Variants in TRIM15 observed in about 807,000 individuals in gnomAD.
The protein encoded by TRIM15 is tripartite motif containing 15, also known as E3 ubiquitin-protein ligase TRIM15.
In TRIM15, 35 loss-of-function variants were observed where a neutral mutation model predicts 35.8. The observed-to-expected ratio is 0.98, with a 90% CI of 0.75 to 1.30. The LOEUF (loss-of-function observed/expected upper bound fraction) is 1.30, where lower values mean the gene tolerates loss of function less well. TRIM15 is among the 50% of genes most tolerant of loss of function. The pLI, the probability that TRIM15 is intolerant of heterozygous loss-of-function variation, is 0.00. For synonymous variants in TRIM15, 252 were observed against 249.8 expected (o/e 1.01, Z -0.08); for missense variants, 590 against 593.5 (o/e 0.99, Z 0.06).
chr6:30,171,445 G>A (rs944268615), intron 6 of TRIM15, among the ~76,000 whole-genome samples: 2 of 152,124 alleles, frequency 1.3e-5, no homozygotes, highest in Non-Finnish European at 2.9e-5. Flanking sequence ...TTTTAAATTG[G>A]TGCTTAATTT....
chr6:30,168,316 A>G lies in TRIM15; in HGVS notation c.494A>G (p.Lys165Arg). 1 of 1,612,836 alleles carries G rather than the reference A, an allele frequency of 6.2e-7. No homozygotes were observed. ...CCCTTGAAGACTCAGATCGAAAGCA[A>G]GAAGCATCAGGTGGAAACAGCTTTT... is the stretch of plus-strand genomic sequence containing the variant. ...LQVLLTQIES[K>R]KHQVETAFER... Residue 165 changes from lysine (K) to arginine (R), a missense_variant, in exon 3 of 7, where the codon AAG becomes AGG. Transcript: ENST00000376694.
rs780356510 is a variant in TRIM15 at position 30,168,369 on chromosome 6, C to A, written c.547C>A (p.Gln183Lys). ...FERLQQELEQ[Q>K]RCLLLARLRE... ...GAGGCTGCAGCAGGAGCTGGAGCAG[C>A]AGCGATGTCTCCTGCTGGCCAGGCT... Residue 183 changes from glutamine (Q) to lysine (K), a missense_variant, in exon 3 of 7, where the codon CAG becomes AAG. By Grantham distance (53) the Gln-to-Lys change is moderately conservative (BLOSUM62 1). Coordinates refer to ENST00000376694, the MANE Select transcript of TRIM15 (RefSeq NM_033229.3). 2.9e-5 allele frequency: 47 copies of A among 1,612,910 alleles called. No homozygotes were observed. The highest frequency in any genetic ancestry group is 3.5e-5 in the Non-Finnish European group (41 of 1,180,040).
In TRIM15 at chr6:30,172,406, C is replaced by T. The variant is rs1007572028; in HGVS notation, c.*57C>T. 1.7e-5 allele frequency: 26 copies of T among 1,538,292 alleles called. No individual in the cohort carries two copies. In the Admixed American group the frequency reaches 5.0e-4, roughly 30 times the overall value. ...ACGGCGGCTCTCCGGGATCCAGCTC[C>T]GCCCCTGGCCAGTGTGCGGCCCGGG... On this transcript the variant is annotated 3_prime_UTR_variant, in exon 7 of 7. Transcript: ENST00000376694.
intron 1 of TRIM15, among the ~76,000 whole-genome samples, chr6:30,164,805 A>G (rs116499650): frequency 0.028 from 4,289 of 152,186 alleles, 108 homozygotes; most frequent in Middle Eastern, 0.054. Context: ...ACTCATCTGC[A>G]CAAAATCCTC....
rs1773353912 is a variant in TRIM15 at position 30,163,799 on chromosome 6, T to C, written c.115T>C (p.Cys39Arg). Residue 39 changes from cysteine to arginine, a missense_variant, in exon 1 of 7, where the codon TGC becomes CGC. Coordinates refer to ENST00000376694, the MANE Select transcript of TRIM15 (RefSeq NM_033229.3). ...IPCGHTFCRL[C>R]LPALSQMGAQ... ...CTGTGGACACACCTTCTGCCGGCTC[T>C]GCCTCCCCGCGCTCTCCCAGATGGG... 1 of 1,612,834 alleles carries C rather than the reference T, an allele frequency of 6.2e-7. No homozygotes were observed. The highest frequency in any genetic ancestry group is 8.5e-7 in the Non-Finnish European group (1 of 1,179,980).
Position 30,171,897 on chromosome 6 carries a change from G to C in TRIM15, c.946G>C (p.Val316Leu), listed in dbSNP as rs1774040837. Residue 316 changes from valine to leucine, a missense_variant, in exon 7 of 7, where the codon GTG becomes CTG. By Grantham distance (32) the Val-to-Leu change is conservative. Coordinates refer to ENST00000376694, the MANE Select transcript of TRIM15 (RefSeq NM_033229.3). ...GGTTCTCTCGGAAGACAGGAAGTCAGTGAGGTACACCCGGCAGAAGAAGAG... is the reference window on the plus strand; with the variant it reads ...GGTTCTCTCGGAAGACAGGAAGTCACTGAGGTACACCCGGCAGAAGAAGAG... The part of the protein sequence containing the change: ...SLVLSEDRKS[V>L]RYTRQKKSLP... 6.2e-7 allele frequency: 1 copy of C among 1,600,906 alleles called. No homozygotes were observed. Among genetic ancestry groups the C allele is most frequent in the Admixed American group, 1.7e-5 (1 of 58,732 alleles).
intron 5 of TRIM15, 102 bp downstream of exon 5, chr6:30,170,718 T>A (rs1773952932): frequency 3.2e-6 from 3 of 945,756 alleles, no homozygotes; most frequent in Admixed American, 2.3e-5. Flanking sequence ...GCTCGAGACA[T>A]CTTCCCTCCC....
Position 30,171,071 on chromosome 6 carries a change from C to T in TRIM15, c.880+63C>T, listed in dbSNP as rs1773983671. The T allele has an allele frequency of 5.8e-6, 9 of 1,555,474 alleles. No homozygotes were observed. In the African/African-American group the frequency reaches 6.9e-5, roughly 12 times the overall value. On this transcript the variant is annotated intron_variant, in intron 6 of 6. Coordinates refer to ENST00000376694, the MANE Select transcript of TRIM15 (RefSeq NM_033229.3). Reference sequence around the variant, plus strand: ...CATCCATTCAATCCATGGCAGCAAACAGAGCAATAAAATGCATGAATTCTG... The same window carrying T: ...CATCCATTCAATCCATGGCAGCAAATAGAGCAATAAAATGCATGAATTCTG...
intron 3 of TRIM15, 56 bp downstream of exon 3, chr6:30,168,586 G>T (rs1325158650): frequency 1.8e-5 from 27 of 1,491,418 alleles, no homozygotes; most frequent in Non-Finnish European, 2.4e-5. Flanking sequence ...GGGGAAGGGG[G>T]TGGGCACCAT....
At chr6:30,167,789 T>A (rs2127457725) in intron 2 of TRIM15, among the ~76,000 whole-genome samples, 1 of 152,282 alleles carries the variant, frequency 6.6e-6, no homozygotes, top group South Asian at 2.1e-4. Context: ...AATCACAGTG[T>A]GAGGATTTCT....
intron 1 of TRIM15, among the ~76,000 whole-genome samples, chr6:30,165,912 T>C (rs1407064590): frequency 6.6e-6 from 1 of 152,258 alleles, no homozygotes; most frequent in Non-Finnish European, 1.5e-5. Flanking sequence ...TTTTGAGAAG[T>C]GTCTGTTCAT....
In TRIM15 at chr6:30,172,608, G is replaced by A. The variant is rs773796788; in HGVS notation, c.*259G>A. ...CACAGACGGCTTCGGCTGTGCCTAG[G>A]GCAACAGCCAACCTAGGAGCCAGCG... is the stretch of plus-strand genomic sequence containing the variant. On this transcript the variant is annotated 3_prime_UTR_variant, in exon 7 of 7. Coordinates refer to ENST00000376694, the MANE Select transcript of TRIM15 (RefSeq NM_033229.3). The A allele has an allele frequency of 1.4e-4, 94 of 693,646 alleles. No homozygotes were observed. Among genetic ancestry groups the A allele is most frequent in the Non-Finnish European group, 2.4e-4 (90 of 381,750 alleles). The allele number at this position is 693,646 out of a possible 1,614,324, so 43.0% of individuals were successfully genotyped here.
chr6:30,169,871 CG>C, intron 4 of TRIM15: 1 of 223,710 alleles, frequency 4.5e-6, no homozygotes, highest in Non-Finnish European at 9.0e-6. Context: ...TGCCTATTCC[CG>C]TGCAGGGAGG....
rs763410591 is a variant in TRIM15, at chr6:30,172,055, C to G, written c.1104C>G (p.Ala368=). ...GCGGCGGCTGCACGGTGGGGGTGGC[C>G]GGGGAGGGGGTGAGGAGGAAGGGAG... The part of the protein sequence containing the change: ...GDGGGCTVGV[A]GEGVRRKGEM... Residue 368 remains alanine, a synonymous_variant, in exon 7 of 7, where the codon GCC becomes GCG. Coordinates refer to ENST00000376694, the MANE Select transcript of TRIM15 (RefSeq NM_033229.3). The G allele has an allele frequency of 7.0e-6, 11 of 1,569,068 alleles. No individual in the cohort carries two copies. The South Asian group carries it at 9.3e-5, about 13-fold the overall frequency.
In TRIM15 at chr6:30,172,635, G is replaced by T. The variant is rs1390181972; in HGVS notation, c.*286G>T. ...CAACAGCCAACCTAGGAGCCAGCGGGCTTTCGGGGAAAAAAAAGAAAAAGA... is the reference window on the plus strand; with the variant it reads ...CAACAGCCAACCTAGGAGCCAGCGGTCTTTCGGGGAAAAAAAAGAAAAAGA... On this transcript the variant is annotated 3_prime_UTR_variant, in exon 7 of 7. Coordinates refer to ENST00000376694, the MANE Select transcript of TRIM15 (RefSeq NM_033229.3). The T allele has an allele frequency of 1.4e-5, 9 of 651,422 alleles. No individual in the cohort carries two copies. The highest frequency in any genetic ancestry group is 1.3e-4 in the South Asian group (8 of 61,212). The allele number at this position is 651,422 out of a possible 1,614,324, so 40.4% of individuals were successfully genotyped here. A position where few individuals can be genotyped will look rare whatever the true frequency, so the allele number is the denominator to read the frequency against.
chr6:30,167,207 G>C lies in TRIM15; in HGVS notation c.413G>C (p.Ser138Thr). The C allele has an allele frequency of 6.2e-7, 1 of 1,613,092 alleles. No individual in the cohort carries two copies. Among genetic ancestry groups the C allele is most frequent in the Non-Finnish European group, 8.5e-7 (1 of 1,180,018 alleles). ...CTCAGGAGTCGACTGGAAGCTCTGA[G>C]CACGGAGAGAGATGAGATTGAGGAT... The part of the protein sequence containing the change: ...DRLRSRLEAL[S>T]TERDEIEDVK... Residue 138 changes from serine (S) to threonine (T), a missense_variant, in exon 2 of 7, where the codon AGC becomes ACC. Physicochemically the swap from Ser to Thr is moderately conservative, Grantham distance 58 (BLOSUM62 1). Transcript: ENST00000376694.
intron 1 of TRIM15, among the ~76,000 whole-genome samples, chr6:30,166,031 A>G (rs1773569523): frequency 6.6e-6 from 1 of 152,156 alleles, no homozygotes; most frequent in African/African-American, 2.4e-5. Flanking sequence ...AGATTGCAAA[A>G]TGTTTCTCCC....
At chr6:30,171,128 T>G (rs1773987926) in intron 6 of TRIM15, 120 bp downstream of exon 6, 5 of 1,129,172 alleles carry the variant, frequency 4.4e-6, no homozygotes, top group Non-Finnish European at 6.4e-6. Context: ...CGATTCCAGT[T>G]CTTGCTAGCT....
At chr6:30,165,437 CT>C (rs1188132072) in intron 1 of TRIM15, among the ~76,000 whole-genome samples, 1 of 152,196 alleles carries the variant, frequency 6.6e-6, no homozygotes, top group Non-Finnish European at 1.5e-5. Context: ...ATGAACACAT[CT>C]TTTTTATGCC....
Sources: allele counts gnomAD v4.1 joint callset (sites outside exome capture counted in the v4.1 genomes callset), GRCh38; gene constraint gnomAD v4.1.1; transcripts MANE v1.5; gene names NCBI Gene and HGNC (gene_info 2026-07-23, HGNC 2026-07-21).